Variants in SYN3 observed in about 807,000 individuals in gnomAD.
SYN3 encodes synapsin-3.
SYN3 carries 35 observed loss-of-function variants against 65.8 expected under a neutral mutation model. The ratio of observed to expected loss-of-function variants is 0.53; its 90% CI spans 0.41 to 0.70. The LOEUF (loss-of-function observed/expected upper bound fraction) is 0.70. SYN3 is among the 30% of genes least tolerant of loss of function. The pLI is 0.00. For synonymous variants in SYN3, 270 were observed against 292.9 expected (o/e 0.92, Z 0.80); for missense variants, 680 against 749.0 (o/e 0.91, Z 1.08).
At chr22:33,057,069 G>T (rs965664499) in intron 1 of SYN3, among the ~76,000 whole-genome samples, 1 of 152,202 alleles carries the variant, frequency 6.6e-6, no homozygotes, top group Admixed American at 6.5e-5. Flanking sequence ...TCCATGTCCA[G>T]AAGCCAGGGA....
At chr22:32,548,749 G>A (rs773216794) in intron 7 of SYN3, among the ~76,000 whole-genome samples, 31 of 152,294 alleles carry the variant, frequency 2.0e-4, no homozygotes, top group Non-Finnish European at 3.5e-4. Flanking sequence ...CATACAACAT[G>A]AGACGTAATT....
intron 7 of SYN3, among the ~76,000 whole-genome samples, chr22:32,553,605 A>T (rs764384360): frequency 1.4e-4 from 20 of 138,406 alleles, no homozygotes; most frequent in Non-Finnish European, 2.7e-4. Flanking sequence ...AAGACCTAGC[A>T]GACTCACCCA....
intron 6 of SYN3, among the ~76,000 whole-genome samples, chr22:32,772,092 G>A (rs2045785020): frequency 1.3e-5 from 2 of 152,044 alleles, no homozygotes; most frequent in African/African-American, 2.4e-5. Flanking sequence ...CATTAAGCCT[G>A]GAAGAAAGGA....
chr22:32,534,661 TG>T (rs2058133785), intron 9 of SYN3, among the ~76,000 whole-genome samples: 1 of 152,178 alleles, frequency 6.6e-6, no homozygotes, highest in African/African-American at 2.4e-5. Flanking sequence ...GGGCTGGATT[TG>T]GGAGTCACAG....
At chr22:32,691,665 G>A (rs2147157144) in intron 6 of SYN3, among the ~76,000 whole-genome samples, 1 of 152,148 alleles carries the variant, frequency 6.6e-6, no homozygotes, top group South Asian at 2.1e-4. Flanking sequence ...TAGTTATGGG[G>A]GAGAAACGCT....
intron 1 of SYN3, among the ~76,000 whole-genome samples, chr22:33,043,577 A>C (rs2054002962): frequency 6.6e-6 from 1 of 152,160 alleles, no homozygotes; most frequent in African/African-American, 2.4e-5. Context: ...AATAAATAAA[A>C]GCACAAGCCA....
At chr22:32,941,796 A>G (rs1453910771) in intron 3 of SYN3, among the ~76,000 whole-genome samples, 3 of 152,190 alleles carry the variant, frequency 2.0e-5, no homozygotes, top group Non-Finnish European at 1.5e-5. Flanking sequence ...ACACCAGGAG[A>G]TTATATCCTG....
At chr22:32,883,960 G>A (rs774609146) in intron 4 of SYN3, among the ~76,000 whole-genome samples, 8 of 152,196 alleles carry the variant, frequency 5.3e-5, no homozygotes, top group Non-Finnish European at 1.0e-4. Flanking sequence ...CATAGTGGTG[G>A]CCAATCAATG....
intron 6 of SYN3, among the ~76,000 whole-genome samples, chr22:32,672,650 A>G (rs2147072384): frequency 6.6e-6 from 1 of 152,182 alleles, no homozygotes; most frequent in East Asian, 1.9e-4. Context: ...GCACAAAGCC[A>G]CGCTGTCTTG....
chr22:32,762,909 T>C (rs1258791004), intron 6 of SYN3, among the ~76,000 whole-genome samples: 1 of 151,560 alleles, frequency 6.6e-6, no homozygotes, highest in Non-Finnish European at 1.5e-5. Flanking sequence ...ATGAGTCAAA[T>C]AGGAGATACT....
Position 32,854,273 on chromosome 22 carries a change from G to A in SYN3, c.711+10642C>T, listed in dbSNP as rs559329859. ...GTCATTTGTAATGTGTCAGAATTTCGACTCTAGGCAAGTGCTAGGAGCTAA... is the reference window on the plus strand; with the variant it reads ...GTCATTTGTAATGTGTCAGAATTTCAACTCTAGGCAAGTGCTAGGAGCTAA... On this transcript the variant is annotated intron_variant, in intron 6 of 13. Coordinates refer to ENST00000358763, the MANE Select transcript of SYN3 (RefSeq NM_003490.4). 1.8e-4 allele frequency among the ~76,000 whole-genome samples: 27 copies of A among 152,230 alleles called. No individual in the cohort carries two copies. The South Asian group carries it at 4.8e-3, about 27-fold the overall frequency.
intron 6 of SYN3, among the ~76,000 whole-genome samples, chr22:32,651,717 C>T (rs1395386039): frequency 6.6e-6 from 1 of 152,134 alleles, no homozygotes; most frequent in Non-Finnish European, 1.5e-5. Context: ...ACCCTGCTTC[C>T]CAAACTGCTA....
chr22:32,807,758 C>A (rs939813789), intron 6 of SYN3, among the ~76,000 whole-genome samples: 1 of 151,404 alleles, frequency 6.6e-6, no homozygotes, highest in Non-Finnish European at 1.5e-5. Context: ...ATTATATATA[C>A]TACTACATAC....
intron 6 of SYN3, among the ~76,000 whole-genome samples, chr22:32,693,187 C>T (rs991863454): frequency 3.2e-4 from 48 of 152,166 alleles, no homozygotes; most frequent in East Asian, 2.1e-3. Context: ...TAAAATAGAA[C>T]GATTATAATA....
At chr22:32,851,728 C>A (rs2048223319) in intron 6 of SYN3, among the ~76,000 whole-genome samples, 1 of 152,194 alleles carries the variant, frequency 6.6e-6, no homozygotes, top group African/African-American at 2.4e-5. Flanking sequence ...ATCCTGTGTT[C>A]TTTATATGAC....
chr22:32,750,759 G>C (rs1256712459), intron 6 of SYN3, among the ~76,000 whole-genome samples: 1 of 152,138 alleles, frequency 6.6e-6, no homozygotes, highest in Non-Finnish European at 1.5e-5. Flanking sequence ...GTTTGTTAAC[G>C]GATTTGATTG....
At chr22:32,875,612 A>G (rs373288195) in intron 4 of SYN3, among the ~76,000 whole-genome samples, 5 of 152,290 alleles carry the variant, frequency 3.3e-5, no homozygotes, top group South Asian at 2.1e-4. Context: ...CCCTAACCCA[A>G]TGACTGATGT....
At chr22:32,941,112 A>C (rs1458830102) in intron 3 of SYN3, among the ~76,000 whole-genome samples, 5 of 151,620 alleles carry the variant, frequency 3.3e-5, no homozygotes, top group Non-Finnish European at 7.4e-5. Context: ...CTTAAAGGTT[A>C]AAAAAAAAGT....
At chr22:32,527,843 T>C in intron 12 of SYN3, 75 bp downstream of exon 12, 6 of 1,267,000 alleles carry the variant, frequency 4.7e-6, no homozygotes, top group Non-Finnish European at 6.7e-6. Context: ...CTTGTGGGAA[T>C]CACATGTGGA....
Sources: gnomAD v4.1 joint callset for allele counts (sites outside exome capture counted in the v4.1 genomes callset) on GRCh38, gnomAD v4.1.1 for gene constraint, MANE v1.5 for transcripts, NCBI Gene and HGNC (gene_info 2026-07-23, HGNC 2026-07-21) for gene names.